UNC13B: variants seen among roughly 807,000 people sequenced by gnomAD.
The protein encoded by UNC13B is protein unc-13 homolog B.
A neutral mutation model predicts 211.0 loss-of-function variants in UNC13B; 144 were observed. The ratio of observed to expected loss-of-function variants is 0.68; its 90% CI spans 0.60 to 0.78. UNC13B has a LOEUF of 0.78. Among genes scored for constraint, UNC13B ranks in the 30% least tolerant of loss-of-function variants. The pLI, the probability that UNC13B is intolerant of heterozygous loss-of-function variation, is 0.00. For synonymous variants in UNC13B, 709 were observed against 725.8 expected (o/e 0.98, Z 0.37); for missense variants, 1,777 against 2,002.0 (o/e 0.89, Z 2.14).
chr9:35,348,177 T>C (rs1224984123), intron 11 of UNC13B, among the ~76,000 whole-genome samples: 1 of 152,212 alleles, frequency 6.6e-6, no homozygotes, highest in Non-Finnish European at 1.5e-5. Context: ...TGGTCTACAC[T>C]GAATCAGTAG....
chr9:35,271,138 CA>C (rs34349679), intron 7 of UNC13B, among the ~76,000 whole-genome samples: 3,908 of 75,710 alleles, frequency 0.052, 48 homozygotes, highest in Non-Finnish European at 0.062. Flanking sequence ...GACTCCATTT[CA>C]AAAAAAAAAA....
At chr9:35,284,939 T>G (rs1587540352) in intron 7 of UNC13B, among the ~76,000 whole-genome samples, 1 of 151,886 alleles carries the variant, frequency 6.6e-6, no homozygotes, top group African/African-American at 2.4e-5. Flanking sequence ...TGCCTGGGGG[T>G]GTTTTGTTTG....
Position 35,310,620 on chromosome 9 carries a change from T to A in UNC13B, c.9162T>A (p.Asp3054Glu), listed in dbSNP as rs775792785. The A allele has an allele frequency of 9.9e-6, 16 of 1,613,714 alleles. No homozygotes were observed. The highest frequency in any genetic ancestry group is 1.4e-5 in the Non-Finnish European group (16 of 1,179,908). ...SCHSSHSLSR[D>E]GQAGFGEQEK... ...ACAGCTCTCACAGCCTGTCCAGAGA[T>A]GGCCAAGCAGGTTTTGGAGAACAAG... The change falls in exon 10 of 40, where the codon GAT becomes GAA. Residue 3054 changes from aspartate (D) to glutamate (E), a missense_variant. Asp to Glu is a conservative substitution (Grantham distance 45). Coordinates refer to ENST00000635942, the MANE Select transcript of UNC13B (RefSeq NM_001371189.2).
intron 1 of UNC13B, among the ~76,000 whole-genome samples, chr9:35,162,871 ATTTATT>A (rs1298876641): frequency 6.6e-5 from 10 of 152,128 alleles, no homozygotes; most frequent in African/African-American, 2.4e-4. Flanking sequence ...AAGAGGTATG[ATTTATT>A]TTTATTTTTA....
intron 1 of UNC13B, among the ~76,000 whole-genome samples, chr9:35,170,309 G>A (rs1383744040): frequency 6.6e-6 from 1 of 152,080 alleles, no homozygotes; most frequent in African/African-American, 2.4e-5. Context: ...GGGACTACAG[G>A]TGTCCACCAC....
chr9:35,316,504 G>A (rs527831102), intron 11 of UNC13B, among the ~76,000 whole-genome samples: 61 of 151,916 alleles, frequency 4.0e-4, no homozygotes, highest in African/African-American at 1.4e-3. Flanking sequence ...TTTGTATATA[G>A]ATGTGCGTGT....
In UNC13B at chr9:35,303,874, T is replaced by A. The variant is rs1829800894; in HGVS notation, c.4470T>A (p.Asp1490Glu). ...DHEKTTCPVV[D>E]QESLRMDENF... ...AAAAGACTACATGCCCCGTAGTTGA[T>A]CAAGAATCATTAAGAATGGATGAAA... is the stretch of plus-strand genomic sequence containing the variant. Residue 1490 changes from aspartate (D) to glutamate (E), a missense_variant, in exon 9 of 40, where the codon GAT becomes GAA. By Grantham distance (45) the Asp-to-Glu change is conservative. Coordinates refer to ENST00000635942, the MANE Select transcript of UNC13B (RefSeq NM_001371189.2). The A allele has an allele frequency of 1.0e-5, 4 of 398,686 alleles. No individual in the cohort carries two copies. In the South Asian group the frequency reaches 3.8e-4, roughly 38 times the overall value. 24.7% of individuals were successfully genotyped at this position (398,686 alleles called of 1,614,324 possible). A position where few individuals can be genotyped will look rare whatever the true frequency, so the allele number is the denominator to read the frequency against.
At chr9:35,332,297 T>C (rs1831419175) in intron 11 of UNC13B, among the ~76,000 whole-genome samples, 1 of 152,210 alleles carries the variant, frequency 6.6e-6, no homozygotes, top group South Asian at 2.1e-4. Context: ...AAACCTTCCC[T>C]TTTTCCTTAG....
At chr9:35,316,470 T>C (rs1482900955) in intron 11 of UNC13B, among the ~76,000 whole-genome samples, 2 of 152,182 alleles carry the variant, frequency 1.3e-5, no homozygotes, top group African/African-American at 4.8e-5. Context: ...GTATTGTGAA[T>C]ACAGATATTT....
Position 35,300,253 on chromosome 9 carries a change from T to A in UNC13B, c.849T>A (p.Tyr283Ter), listed in dbSNP as rs1418040306. 2.5e-6 allele frequency: 1 copy of A among 398,718 alleles called. No homozygotes were observed. Among genetic ancestry groups the A allele is most frequent in the Non-Finnish European group, 4.4e-6 (1 of 226,034 alleles). 24.7% of individuals were successfully genotyped at this position (398,718 alleles called of 1,614,324 possible). ...NHFEDSERRQ[Y>*]GERSETKTNY... ...TTGAAGACAGTGAAAGAAGGCAATATGGTGAGAGATCTGAAACTAAGACTA... is the reference window on the plus strand; with the variant it reads ...TTGAAGACAGTGAAAGAAGGCAATAAGGTGAGAGATCTGAAACTAAGACTA... The change falls in exon 9 of 40, where the codon TAT becomes TAA. Residue 283 changes from tyrosine to a stop codon, truncating the protein, a stop_gained. Coordinates refer to ENST00000635942, the MANE Select transcript of UNC13B (RefSeq NM_001371189.2). LOFTEE classifies it high-confidence loss of function.
At chr9:35,362,230 C>T (rs895997605) in intron 11 of UNC13B, among the ~76,000 whole-genome samples, 1 of 151,996 alleles carries the variant, frequency 6.6e-6, no homozygotes, top group Non-Finnish European at 1.5e-5. Flanking sequence ...AAGTACAGGG[C>T]TGAGTGATTG....
intron 7 of UNC13B, among the ~76,000 whole-genome samples, chr9:35,285,220 C>G (rs1156893201): frequency 6.6e-6 from 1 of 152,128 alleles, no homozygotes; most frequent in East Asian, 1.9e-4. Flanking sequence ...CCTTCTTCCT[C>G]CATTAGCACA....
rs774392477 is a variant in UNC13B, at chr9:35,399,401, C to G, written c.12208C>G (p.Leu4070Val). Residue 4070 changes from leucine (L) to valine (V), a missense_variant, in exon 35 of 40, where the codon CTG (leucine) becomes GTG (valine). Coordinates refer to ENST00000635942, the MANE Select transcript of UNC13B (RefSeq NM_001371189.2). ...PPLTDQTGTQ[L>V]IFTAAKELSH... ...TTCCCTCTCTGCCCAGGGCACCCAG[C>G]TGATCTTCACTGCTGCCAAGGAGCT... The G allele has an allele frequency of 6.2e-7, 1 of 1,614,104 alleles. No homozygotes were observed.
rs963681059 is a variant in UNC13B, at chr9:35,384,031, T to C, written c.10807-215T>C. Among the ~76,000 whole-genome samples, 9 of 152,228 alleles carry C rather than the reference T, an allele frequency of 5.9e-5. No homozygotes were observed. In the East Asian group the frequency reaches 1.7e-3, roughly 29 times the overall value. Reference sequence around the variant, plus strand: ...CCTTGTCAGTGTGAGATTTCCCAGATTGGGACAGAGCTGCAAAGAGATAGA... The same window carrying C: ...CCTTGTCAGTGTGAGATTTCCCAGACTGGGACAGAGCTGCAAAGAGATAGA... On this transcript the variant is annotated intron_variant, in intron 21 of 39. Transcript: ENST00000635942.
At chr9:35,185,904 C>T (rs780300580) in intron 1 of UNC13B, among the ~76,000 whole-genome samples, 56 of 149,168 alleles carry the variant, frequency 3.8e-4, no homozygotes, top group Non-Finnish European at 4.7e-4. Context: ...GGCGACAGAG[C>T]GAGACTCTAC....
At chr9:35,383,250 C>T (rs1220926138) in intron 21 of UNC13B, among the ~76,000 whole-genome samples, 1 of 152,224 alleles carries the variant, frequency 6.6e-6, no homozygotes, top group Non-Finnish European at 1.5e-5. Flanking sequence ...AGTGTCCAGA[C>T]TGTTTTCCCT....
intron 1 of UNC13B, among the ~76,000 whole-genome samples, chr9:35,190,550 C>T (rs899741960): frequency 6.6e-6 from 1 of 150,380 alleles, no homozygotes. Flanking sequence ...TTTTTTTCTT[C>T]CCCCCCTCCC....
chr9:35,306,815 A>G lies in UNC13B; in HGVS notation c.7411A>G (p.Ser2471Gly). Residue 2471 changes from serine (S) to glycine (G), a missense_variant, in exon 9 of 40, where the codon AGC becomes GGC. Transcript: ENST00000635942. ...FVTKVKSFSG[S>G]LIEPPKTLSG... is the part of the protein sequence containing the mutation. Reference sequence around the variant, plus strand: ...GACCAAAGTGAAATCTTTCTCTGGGAGCTTAATTGAACCTCCCAAAACACT... The same window carrying G: ...GACCAAAGTGAAATCTTTCTCTGGGGGCTTAATTGAACCTCCCAAAACACT... 2.5e-6 allele frequency: 1 copy of G among 399,044 alleles called. No homozygotes were observed. Among genetic ancestry groups the G allele is most frequent in the Non-Finnish European group, 4.4e-6 (1 of 226,062 alleles). The allele number at this position is 399,044 out of a possible 1,614,324, so 24.7% of individuals were successfully genotyped here.
intron 1 of UNC13B, among the ~76,000 whole-genome samples, chr9:35,181,777 C>T (rs576379423): frequency 3.3e-5 from 5 of 152,266 alleles, no homozygotes; most frequent in African/African-American, 9.6e-5. Flanking sequence ...GTGGAGGTTG[C>T]AGTGAGGCCA....
Sources: allele counts gnomAD v4.1 joint callset (sites outside exome capture counted in the v4.1 genomes callset), GRCh38; gene constraint gnomAD v4.1.1; transcripts MANE v1.5; gene names NCBI Gene and HGNC (gene_info 2026-07-23, HGNC 2026-07-21).